The following GLI3 variants were observed in gnomAD, a reference collection of about 807,000 sequenced individuals.
GLI3 encodes the protein transcription activator GLI3.
A neutral mutation model predicts 100.8 loss-of-function variants in GLI3; 20 were observed. That is an observed-to-expected ratio of 0.20 (90% CI 0.14 to 0.29). The LOEUF (loss-of-function observed/expected upper bound fraction) is 0.29, where lower values mean the gene tolerates loss of function less well. Ranked by LOEUF, GLI3 falls within the 10% of genes least tolerant of loss-of-function variation. The pLI is 1.00. For missense variants in GLI3, 2,040 were observed against 2,128.5 expected (o/e 0.96, Z 0.82); for synonymous variants, 938 against 860.5 (o/e 1.09, Z -1.58).
chr7:42,039,953 G>T lies in GLI3; in HGVS notation c.1028+85C>A. 3.1e-6 allele frequency: 3 copies of T among 972,362 alleles called. 1 individual carries two copies. Among genetic ancestry groups the T allele is most frequent in the South Asian group, 2.6e-5 (2 of 77,340 alleles). 60.2% of individuals were successfully genotyped at this position (972,362 alleles called of 1,614,324 possible). Reference sequence around the variant, plus strand: ...CTTTTATTCTTCCTCATAGGCAGTTGGTACTGAAAATGCATCACTACAGGT... The same window carrying T: ...CTTTTATTCTTCCTCATAGGCAGTTTGTACTGAAAATGCATCACTACAGGT... On this transcript the variant is annotated intron_variant, in intron 7 of 14. Transcript: ENST00000395925.
In GLI3 at chr7:42,023,495, C is replaced by G; in HGVS notation, c.1470G>C (p.Glu490Asp). The G allele has an allele frequency of 6.2e-7, 1 of 1,614,196 alleles. No homozygotes were observed. ...GCACAAGCTGCTCTTGGGTGTCGAA[C>G]TCCCTCGCGCAGCCTTCCCAGTGGC... is the stretch of plus-strand genomic sequence containing the variant. ...TNCHWEGCAR[E>D]FDTQEQLVHH... The change falls in exon 10 of 15, where the codon GAG becomes GAC. Residue 490 changes from glutamate to aspartate, a missense_variant. Coordinates refer to ENST00000395925, the MANE Select transcript of GLI3 (RefSeq NM_000168.6).
intron 3 of GLI3, among the ~76,000 whole-genome samples, chr7:42,124,803 T>C (rs1478475118): frequency 6.6e-6 from 1 of 151,426 alleles, no homozygotes; most frequent in Non-Finnish European, 1.5e-5. Flanking sequence ...GGTGCTGCTG[T>C]GTGTGTGAAA....
At chr7:42,025,001 T>C (rs1297808718) in intron 9 of GLI3, among the ~76,000 whole-genome samples, 1 of 152,144 alleles carries the variant, frequency 6.6e-6, no homozygotes, top group Non-Finnish European at 1.5e-5. Flanking sequence ...TTGCCAATAC[T>C]CCCAAGCTGC....
chr7:42,137,079 T>C (rs1786446609), intron 3 of GLI3, among the ~76,000 whole-genome samples: 1 of 152,242 alleles, frequency 6.6e-6, no homozygotes, highest in Non-Finnish European at 1.5e-5. Context: ...TTTCCTCATA[T>C]GTCAAAGGGG....
At chr7:42,141,942 G>A (rs1786577435) in intron 3 of GLI3, among the ~76,000 whole-genome samples, 1 of 152,114 alleles carries the variant, frequency 6.6e-6, no homozygotes, top group African/African-American at 2.4e-5. Flanking sequence ...CAACTTCTCT[G>A]CCCTATGGTG....
chr7:42,048,976 T>G (rs1784301194), intron 4 of GLI3, among the ~76,000 whole-genome samples: 1 of 152,196 alleles, frequency 6.6e-6, no homozygotes, highest in Admixed American at 6.5e-5. Flanking sequence ...TATGGCTTCT[T>G]CCATGAGAAG....
chr7:42,019,406 C>A (rs1788869990), intron 10 of GLI3, among the ~76,000 whole-genome samples: 1 of 152,192 alleles, frequency 6.6e-6, no homozygotes, highest in Admixed American at 6.5e-5. Context: ...ATGGAACTTA[C>A]TTCTCGGACA....
In GLI3 at chr7:41,966,248, G is replaced by C. The variant is rs1227441848; in HGVS notation, c.2825C>G (p.Pro942Arg). The C allele has an allele frequency of 6.2e-7, 1 of 1,608,266 alleles. No individual in the cohort carries two copies. Reference protein sequence around the residue: ...KYAAATGGPPPTPLPNMERMS... With the variant: ...KYAAATGGPPRTPLPNMERMS... ...CCTCTCCATGTTGGGCAGGGGCGTC[G>C]GCGGCGGCCCTCCTGTGGCAGCCGC... The change falls in exon 15 of 15, where the codon CCG (proline) becomes CGG (arginine). Residue 942 changes from proline to arginine, a missense_variant. Around this residue, in one of 5 missense-constraint regions of GLI3, gnomAD observed 1,041 missense variants for 924.0 expected, o/e 1.13. Coordinates refer to ENST00000395925, the MANE Select transcript of GLI3 (RefSeq NM_000168.6). The surrounding 1 kb of genome is among the most constrained non-coding windows in gnomAD (Gnocchi z 5.8).
chr7:42,210,337 AGC>A (rs748609379), intron 2 of GLI3, among the ~76,000 whole-genome samples: 1 of 74,038 alleles, frequency 1.4e-5, no homozygotes, highest in Non-Finnish European at 2.6e-5. Context: ...CAAAAATGAA[AGC>A]CCCCCCCCCC....
chr7:42,128,437 A>G (rs1277467202), intron 3 of GLI3, among the ~76,000 whole-genome samples: 1 of 152,242 alleles, frequency 6.6e-6, no homozygotes, highest in Non-Finnish European at 1.5e-5. Flanking sequence ...GATTTTCAAA[A>G]GACTTTTTGG....
intron 4 of GLI3, among the ~76,000 whole-genome samples, chr7:42,056,202 T>A (rs902667309): frequency 2.6e-5 from 4 of 152,218 alleles, no homozygotes; most frequent in Admixed American, 2.6e-4. Context: ...TGGACTAATA[T>A]AACATTTTAT....
chr7:41,972,482 G>A lies in GLI3; in HGVS notation c.1958C>T (p.Pro653Leu), dbSNP rs141220299. ...CTGTGAATGGCTGCCGGAATCTCTC[G>A]GGGGTGGCGGCCGAGGATGGATGTC... ...RGDIHPRPPPPRDSGSHSQSR... is the reference protein window; with the variant it reads ...RGDIHPRPPPLRDSGSHSQSR... Residue 653 changes from proline to leucine, a missense_variant, in exon 13 of 15, where the codon CCG (proline) becomes CTG (leucine). Pro to Leu is a moderately conservative substitution (Grantham distance 98, BLOSUM62 -3). Around this residue, in one of 5 missense-constraint regions of GLI3, gnomAD observed 327 missense variants for 338.7 expected, o/e 0.97. Coordinates refer to ENST00000395925, the MANE Select transcript of GLI3 (RefSeq NM_000168.6). The surrounding 1 kb of genome is among the most constrained non-coding windows in gnomAD (Gnocchi z 4.4). 1.2e-5 allele frequency: 20 copies of A among 1,613,446 alleles called. No homozygotes were observed. Among genetic ancestry groups the A allele is most frequent in the Non-Finnish European group, 1.5e-5 (18 of 1,180,014 alleles).
At chr7:42,226,206 TAG>T (rs2128703723) in intron 1 of GLI3, among the ~76,000 whole-genome samples, 1 of 152,316 alleles carries the variant, frequency 6.6e-6, no homozygotes, top group South Asian at 2.1e-4. Flanking sequence ...TGTATTTGAG[TAG>T]AGTCTACAAC....
chr7:42,036,894 C>A (rs1329978060), intron 7 of GLI3, among the ~76,000 whole-genome samples: 2 of 152,138 alleles, frequency 1.3e-5, no homozygotes, highest in African/African-American at 4.8e-5. Flanking sequence ...GTAATCTTAA[C>A]ACTTTGGGAT....
intron 10 of GLI3, among the ~76,000 whole-genome samples, chr7:42,006,161 G>A (rs948890562): frequency 2.6e-5 from 4 of 152,172 alleles, no homozygotes; most frequent in Non-Finnish European, 2.9e-5. Flanking sequence ...AGGGATACCC[G>A]AGCTCGAAGG....
intron 7 of GLI3, among the ~76,000 whole-genome samples, chr7:42,027,839 C>T (rs929574766): frequency 5.9e-5 from 9 of 152,124 alleles, no homozygotes; most frequent in African/African-American, 1.4e-4. Context: ...TCATTGTTCA[C>T]AGTAAGTTAG....
intron 1 of GLI3, among the ~76,000 whole-genome samples, chr7:42,250,965 C>T (rs10237101): frequency 0.41 from 62,043 of 151,966 alleles, 13,297 homozygotes; most frequent in East Asian, 0.71. Flanking sequence ...TTTAGGCATC[C>T]GCCCATGTAC....
At chr7:42,026,769 C>G (rs1328722996) in intron 7 of GLI3, among the ~76,000 whole-genome samples, 2 of 152,240 alleles carry the variant, frequency 1.3e-5, no homozygotes, top group East Asian at 3.8e-4. Context: ...TCCGTATGTT[C>G]CTGTGCATGG....
intron 2 of GLI3, among the ~76,000 whole-genome samples, chr7:42,222,400 T>A (rs1562791668): frequency 6.6e-6 from 1 of 152,240 alleles, no homozygotes; most frequent in East Asian, 1.9e-4. Flanking sequence ...AAGGCATTAG[T>A]GGCCCACAAT....
Sources: gnomAD v4.1 joint callset for allele counts (sites outside exome capture counted in the v4.1 genomes callset) on GRCh38, gnomAD v4.1.1 for gene constraint, gnomAD v4.1.1 regional missense constraint, Gnocchi (gnomAD v3.1) non-coding constraint, MANE v1.5 for transcripts, NCBI Gene and HGNC (gene_info 2026-07-23, HGNC 2026-07-21) for gene names.